The following PTPRG variants were observed in gnomAD, a reference collection of about 807,000 sequenced individuals.
PTPRG encodes receptor-type tyrosine-protein phosphatase gamma.
A neutral mutation model predicts 165.3 loss-of-function variants in PTPRG; 102 were observed. The observed-to-expected ratio is 0.62, with a 90% confidence interval of 0.53 to 0.73. PTPRG has a LOEUF of 0.73. PTPRG is among the 30% of genes least tolerant of loss of function. PTPRG has a pLI of 0.00. For missense variants in PTPRG, 1,866 were observed against 1,861.4 expected (o/e 1.00, Z -0.05); for synonymous variants, 675 against 669.5 (o/e 1.01, Z -0.13).
chr3:61,828,692 A>C (rs376168369), intron 2 of PTPRG, among the ~76,000 whole-genome samples: 2 of 152,142 alleles, frequency 1.3e-5, no homozygotes, highest in Non-Finnish European at 2.9e-5. Flanking sequence ...TTCAGATAGG[A>C]TAGTATTGGA....
chr3:61,851,308 GTC>G (rs900681466), intron 2 of PTPRG, among the ~76,000 whole-genome samples: 2 of 152,170 alleles, frequency 1.3e-5, no homozygotes, highest in African/African-American at 4.8e-5. Context: ...GTATTTCAAA[GTC>G]TCTTCATTGT....
intron 2 of PTPRG, among the ~76,000 whole-genome samples, chr3:61,949,202 A>G (rs1204369922): frequency 6.6e-6 from 1 of 152,202 alleles, no homozygotes; most frequent in Non-Finnish European, 1.5e-5. Flanking sequence ...CAACCAACCA[A>G]ACAAAAAAAC....
In PTPRG at chr3:61,603,483, A is replaced by G. The variant is rs1017641239; in HGVS notation, c.85+41111A>G. Among the ~76,000 whole-genome samples, 14 of 152,352 alleles carry G rather than the reference A, an allele frequency of 9.2e-5. No homozygotes were observed. The South Asian group carries it at 1.2e-3, about 14-fold the overall frequency. On this transcript the variant is annotated intron_variant, in intron 1 of 29. Coordinates refer to ENST00000474889, the MANE Select transcript of PTPRG (RefSeq NM_002841.4). ...TAGATGCCAGCACTGTGCTTCCAGT[A>G]TAGCCTGAAAAACTGTGAGCTCTTT...
chr3:62,205,115 C>T (rs1323062042), intron 12 of PTPRG, among the ~76,000 whole-genome samples: 2 of 151,796 alleles, frequency 1.3e-5, no homozygotes, highest in East Asian at 3.9e-4. Context: ...AATAAATTTT[C>T]ATGTTTTGAA....
At chr3:62,179,106 T>TA (rs1352892378) in intron 8 of PTPRG, among the ~76,000 whole-genome samples, 2 of 152,196 alleles carry the variant, frequency 1.3e-5, no homozygotes, top group Non-Finnish European at 2.9e-5. Context: ...CTGTTTTTCT[T>TA]CAGGTATCTG....
intron 1 of PTPRG, among the ~76,000 whole-genome samples, chr3:61,608,479 C>G (rs1017568813): frequency 4.6e-5 from 7 of 152,156 alleles, no homozygotes; most frequent in African/African-American, 7.2e-5. Context: ...AATCTGTATT[C>G]TGTTTGCTGT....
Position 62,224,318 on chromosome 3 carries a change from C to T in PTPRG, c.2288+5335C>T, listed in dbSNP as rs1700714733. On this transcript the variant is annotated intron_variant, in intron 13 of 29. Coordinates refer to ENST00000474889, the MANE Select transcript of PTPRG (RefSeq NM_002841.4). This position sits in a 1 kb window ranked among gnomAD's most constrained non-coding sequence, Gnocchi z 4.9. ...ATAACACACAAAGGTTTATTTCCCA[C>T]CCACGTGAGGTCTGACAGGGTTGAG... Among the ~76,000 whole-genome samples the T allele has an allele frequency of 6.6e-6, 1 of 152,192 alleles. No individual in the cohort carries two copies. Among genetic ancestry groups the T allele is most frequent in the South Asian group, 2.1e-4 (1 of 4,834 alleles).
intron 1 of PTPRG, among the ~76,000 whole-genome samples, chr3:61,636,697 C>A (rs1237755578): frequency 6.6e-6 from 1 of 152,154 alleles, no homozygotes; most frequent in Non-Finnish European, 1.5e-5. Flanking sequence ...TTTGTTTATA[C>A]TCTCATTTCT....
chr3:61,564,492 G>A (rs886852684), intron 1 of PTPRG, among the ~76,000 whole-genome samples: 1 of 152,050 alleles, frequency 6.6e-6, no homozygotes, highest in Non-Finnish European at 1.5e-5. Flanking sequence ...TTTTCTTTTC[G>A]CGCCCACGCT....
At chr3:61,686,787 A>T (rs1703645817) in intron 1 of PTPRG, among the ~76,000 whole-genome samples, 1 of 152,174 alleles carries the variant, frequency 6.6e-6, no homozygotes, top group Non-Finnish European at 1.5e-5. Flanking sequence ...TTCCCTAGAT[A>T]GCCTTGTTAA....
At chr3:61,678,999 C>T (rs1703334376) in intron 1 of PTPRG, among the ~76,000 whole-genome samples, 1 of 151,970 alleles carries the variant, frequency 6.6e-6, no homozygotes, top group African/African-American at 2.4e-5. Flanking sequence ...TGACGACAGT[C>T]ATCCTAAGTT....
At chr3:61,567,986 G>C (rs1420354427) in intron 1 of PTPRG, among the ~76,000 whole-genome samples, 3 of 93,166 alleles carry the variant, frequency 3.2e-5, no homozygotes, top group Non-Finnish European at 7.1e-5. Flanking sequence ...AAAAAAAAAA[G>C]TTCATTTGCC....
intron 4 of PTPRG, among the ~76,000 whole-genome samples, chr3:62,005,981 G>A (rs917575064): frequency 3.9e-5 from 6 of 152,108 alleles, no homozygotes; most frequent in African/African-American, 1.4e-4. Flanking sequence ...GGGATTACAG[G>A]CGTGAGCCAC....
chr3:62,145,610 G>A (rs1319496201), intron 6 of PTPRG, among the ~76,000 whole-genome samples: 3 of 152,220 alleles, frequency 2.0e-5, no homozygotes, highest in Admixed American at 1.3e-4. Flanking sequence ...TCAGGGGAAA[G>A]GGTAGTGGAC....
In PTPRG at chr3:61,844,763, A is replaced by G. The variant is rs897040874; in HGVS notation, c.190+95781A>G. ...AGCAGTCCTACCGCCTTGGTCTCCT[A>G]AAGTGCTGGGATTACAGGCATGAGC... is the stretch of plus-strand genomic sequence containing the variant. On this transcript the variant is annotated intron_variant, in intron 2 of 29. Coordinates refer to ENST00000474889, the MANE Select transcript of PTPRG (RefSeq NM_002841.4). Among the ~76,000 whole-genome samples, 7 of 151,960 alleles carry G rather than the reference A, an allele frequency of 4.6e-5. No individual in the cohort carries two copies. The South Asian group carries it at 1.5e-3, about 32-fold the overall frequency.
chr3:62,230,762 C>A (rs1036991351), intron 13 of PTPRG, among the ~76,000 whole-genome samples: 2 of 152,124 alleles, frequency 1.3e-5, no homozygotes, highest in Non-Finnish European at 2.9e-5. Context: ...GGGTAAAAGA[C>A]AAAACCCGAA....
At chr3:62,011,685 A>G (rs2041425703) in intron 4 of PTPRG, among the ~76,000 whole-genome samples, 1 of 148,768 alleles carries the variant, frequency 6.7e-6, no homozygotes, top group South Asian at 2.3e-4. Context: ...GTTAATTAAG[A>G]GGAACATGTG....
intron 2 of PTPRG, among the ~76,000 whole-genome samples, chr3:61,797,042 T>C (rs968117567): frequency 2.0e-5 from 3 of 152,224 alleles, no homozygotes. Context: ...TAGGAAAACG[T>C]AGAGCAGCTC....
chr3:61,593,073 G>T (rs1700613072), intron 1 of PTPRG, among the ~76,000 whole-genome samples: 1 of 152,178 alleles, frequency 6.6e-6, no homozygotes, highest in South Asian at 2.1e-4. Flanking sequence ...TGGAAATGCA[G>T]ACTCATAGAC....
Sources: allele counts gnomAD v4.1 joint callset (sites outside exome capture counted in the v4.1 genomes callset), GRCh38; gene constraint gnomAD v4.1.1; non-coding constraint Gnocchi (gnomAD v3.1); transcripts MANE v1.5; gene names NCBI Gene and HGNC (gene_info 2026-07-23, HGNC 2026-07-21).